Variants in ICE2 observed in about 807,000 individuals in gnomAD.
ICE2 encodes interactor of little elongation complex ELL subunit 2.
Under a neutral mutation model 105.4 loss-of-function variants are expected in ICE2, and 87 were observed. The observed-to-expected ratio is 0.83, with a 90% CI of 0.69 to 0.99. The LOEUF (loss-of-function observed/expected upper bound fraction) is 0.99. Among genes scored for constraint, ICE2 ranks in the 50% least tolerant of loss-of-function variants. ICE2 has a pLI of 0.00. For missense variants in ICE2, 1,323 were observed against 1,146.7 expected (o/e 1.15, Z -2.22); for synonymous variants, 399 against 392.0 (o/e 1.02, Z -0.21).
At chr15:60,462,403 A>G (rs2064303936) in intron 5 of ICE2, among the ~76,000 whole-genome samples, 1 of 152,200 alleles carries the variant, frequency 6.6e-6, no homozygotes. Flanking sequence ...CTAAGAGAGT[A>G]GATTTTAAGT....
At chr15:60,437,074 G>A (rs2063610471) in intron 12 of ICE2, among the ~76,000 whole-genome samples, 1 of 151,798 alleles carries the variant, frequency 6.6e-6, no homozygotes, top group Non-Finnish European at 1.5e-5. Flanking sequence ...CCAACATGGT[G>A]AAACCTCGTC....
In ICE2 at chr15:60,476,587, G is replaced by A. The variant is rs149021111; in HGVS notation, c.42-420C>T. On this transcript the variant is annotated intron_variant, in intron 2 of 15. Coordinates refer to ENST00000261520, the MANE Select transcript of ICE2 (RefSeq NM_024611.6). ...ACTTATTTTTGTTTCATGCACTACT[G>A]TGCTGAGCCAAAAGACACTACAAAG... Among the ~76,000 whole-genome samples, 23 of 152,300 alleles carry A rather than the reference G, an allele frequency of 1.5e-4. No individual in the cohort carries two copies. In the East Asian group the frequency reaches 4.2e-3, roughly 28 times the overall value.
At chr15:60,438,274 T>C (rs2063641258) in intron 12 of ICE2, 1 of 152,212 alleles carries the variant, frequency 6.6e-6, no homozygotes, top group African/African-American at 2.4e-5. Context: ...TAACTCCTAA[T>C]ATTTAGGTAT....
chr15:60,478,180 C>G, intron 1 of ICE2, 111 bp from the exon 2 acceptor site: 1 of 591,864 alleles, frequency 1.7e-6, no homozygotes, highest in East Asian at 2.8e-5. Context: ...ACTGTGGCAC[C>G]TAAAACAGAA....
chr15:60,427,330 G>C (rs567895021), intron 15 of ICE2, among the ~76,000 whole-genome samples: 2 of 152,312 alleles, frequency 1.3e-5, no homozygotes, highest in South Asian at 4.1e-4. Context: ...CAATAATTCT[G>C]ACTCAAAGAC....
Position 60,421,495 on chromosome 15 carries a change from ATATGATGT to A in ICE2, c.*2131_*2138del, listed in dbSNP as rs1331499625. 3 of 152,226 alleles carry A rather than the reference ATATGATGT, an allele frequency of 2.0e-5. No homozygotes were observed. Among genetic ancestry groups the A allele is most frequent in the Non-Finnish European group, 2.9e-5 (2 of 68,024 alleles). 9.4% of individuals were successfully genotyped at this position (152,226 alleles called of 1,614,324 possible). ...AGCACAAGCAAAAAACTACCTTTAT[ATATGATGT>A]TATTCAAATACATGGATAAGATAAC... On this transcript the variant is annotated 3_prime_UTR_variant, in exon 16 of 16. Transcript: ENST00000261520.
chr15:60,443,663 G>C (rs2141040663), intron 11 of ICE2, among the ~76,000 whole-genome samples: 1 of 152,266 alleles, frequency 6.6e-6, no homozygotes, highest in South Asian at 2.1e-4. Context: ...CCTCCAGTGT[G>C]TCTTCTCAAT....
intron 8 of ICE2, 200 bp downstream of exon 8, chr15:60,454,803 G>C (rs1391059267): frequency 4.5e-6 from 2 of 441,004 alleles, no homozygotes; most frequent in South Asian, 6.3e-5. Context: ...CTGTCATCTA[G>C]GTTTTAAGCC....
At chr15:60,463,693 C>T (rs1462519884) in intron 5 of ICE2, among the ~76,000 whole-genome samples, 2 of 152,204 alleles carry the variant, frequency 1.3e-5, no homozygotes, top group Admixed American at 1.3e-4. Flanking sequence ...CAGCTTGAAC[C>T]CTGGAGGCAG....
At chr15:60,461,351 TAATAAA>T (rs575211625) in intron 5 of ICE2, among the ~76,000 whole-genome samples, 170 of 152,266 alleles carry the variant, frequency 1.1e-3, no homozygotes, top group African/African-American at 4.0e-3. Flanking sequence ...CTTTACGGCT[TAATAAA>T]AATAAAAGCA....
At chr15:60,455,990 T>C (rs1346258265) in intron 6 of ICE2, among the ~76,000 whole-genome samples, 1 of 152,008 alleles carries the variant, frequency 6.6e-6, no homozygotes, top group East Asian at 1.9e-4. Context: ...ATAACGGGGA[T>C]GGTAGAAACT....
rs1335486977 is a variant in ICE2 at position 60,454,267 on chromosome 15, A to AAATATTAATTTTATTGTC, written c.944-501_944-484dup. On this transcript the variant is annotated intron_variant, in intron 8 of 15. Coordinates refer to ENST00000261520, the MANE Select transcript of ICE2 (RefSeq NM_024611.6). ...TAATTTCTTATATACAGGAATATGCAAATATTAATTTTATTGTCAAAAGAA... is the reference window on the plus strand; with the variant it reads ...TAATTTCTTATATACAGGAATATGCAAATATTAATTTTATTGTCAATATTAATTTTATTGTCAAAAGAA... Among the ~76,000 whole-genome samples, 3 of 152,336 alleles carry AAATATTAATTTTATTGTC rather than the reference A, an allele frequency of 2.0e-5. No individual in the cohort carries two copies. In the East Asian group the frequency reaches 5.8e-4, roughly 29 times the overall value.
chr15:60,442,240 C>T (rs758777711), intron 12 of ICE2, 176 bp downstream of exon 12: 2 of 531,380 alleles, frequency 3.8e-6, no homozygotes, highest in Non-Finnish European at 6.4e-6. Flanking sequence ...TTACAGTGAG[C>T]TATGATCACA....
chr15:60,428,476 G>A lies in ICE2; in HGVS notation c.2773C>T (p.Pro925Ser). Residue 925 changes from proline (P) to serine (S), a missense_variant, in exon 15 of 16, where the codon CCT (proline) becomes TCT (serine). By Grantham distance (74) the Pro-to-Ser change is moderately conservative. Coordinates refer to ENST00000261520, the MANE Select transcript of ICE2 (RefSeq NM_024611.6). ...AGTGATTTCGGTGGAAAAGTACAAGGTATTCTTCCATGATGGATATGATAT... is the reference window on the plus strand; with the variant it reads ...AGTGATTTCGGTGGAAAAGTACAAGATATTCTTCCATGATGGATATGATAT... ...LPYHIHHGRI[P>S]CTFPPKSLDT... 6.2e-7 allele frequency: 1 copy of A among 1,614,072 alleles called. No homozygotes were observed. The highest frequency in any genetic ancestry group is 8.5e-7 in the Non-Finnish European group (1 of 1,179,956).
intron 5 of ICE2, among the ~76,000 whole-genome samples, chr15:60,463,549 A>C (rs950620088): frequency 1.3e-5 from 2 of 152,172 alleles, no homozygotes; most frequent in Admixed American, 1.3e-4. Context: ...GAGGCAGGTA[A>C]ATCGCCTGAG....
chr15:60,468,895 A>G (rs2064504273), intron 3 of ICE2, among the ~76,000 whole-genome samples: 1 of 152,060 alleles, frequency 6.6e-6, no homozygotes, highest in Admixed American at 6.6e-5. Context: ...ATCCTCTATC[A>G]CTCTGGTACA....
intron 5 of ICE2, among the ~76,000 whole-genome samples, chr15:60,460,472 T>C (rs2064244468): frequency 6.6e-6 from 1 of 152,202 alleles, no homozygotes; most frequent in Non-Finnish European, 1.5e-5. Flanking sequence ...TACTGCAGCC[T>C]GTGCGAGAGA....
In ICE2 at chr15:60,453,782, A is replaced by G. The variant is rs1209873109; in HGVS notation, c.946T>C (p.Ser316Pro). 1 of 1,564,006 alleles carries G rather than the reference A, an allele frequency of 6.4e-7. No individual in the cohort carries two copies. Among genetic ancestry groups the G allele is most frequent in the Admixed American group, 1.7e-5 (1 of 58,630 alleles). The change falls in exon 9 of 16, where the codon TCA becomes CCA. Residue 316 changes from serine (S) to proline (P), a missense_variant and splice_region_variant. Coordinates refer to ENST00000261520, the MANE Select transcript of ICE2 (RefSeq NM_024611.6). ...ATATATATTACTTTAACTGGTTTTG[A>G]ACCTTAAAACAGAAACCAAAGAAAA... The part of the protein sequence containing the change: ...VCIQVIPVAG[S>P]KPVKVIYINS...
chr15:60,464,226 T>C (rs1382324819), intron 5 of ICE2, among the ~76,000 whole-genome samples: 2 of 152,208 alleles, frequency 1.3e-5, no homozygotes, highest in Non-Finnish European at 2.9e-5. Context: ...AGCTACCAAG[T>C]AATGTACTTT....
Sources: allele counts gnomAD v4.1 joint callset (sites outside exome capture counted in the v4.1 genomes callset), GRCh38; gene constraint gnomAD v4.1.1; transcripts MANE v1.5; gene names NCBI Gene and HGNC (gene_info 2026-07-23, HGNC 2026-07-21).